TACC2: variants seen among roughly 807,000 people sequenced by gnomAD.
The protein encoded by TACC2 is transforming acidic coiled-coil containing protein 2.
In TACC2, 137 loss-of-function variants were observed where a neutral mutation model predicts 227.3. The ratio of observed to expected loss-of-function variants is 0.60; its 90% confidence interval spans 0.52 to 0.69. The LOEUF (loss-of-function observed/expected upper bound fraction) is 0.69. TACC2 is among the 30% of genes least tolerant of loss of function. The probability of loss-of-function intolerance (pLI) is 0.00; values close to 1 mark genes in which losing one functional copy is unlikely to be tolerated. For synonymous variants in TACC2, 1,523 were observed against 1,487.5 expected (o/e 1.02, Z -0.55); for missense variants, 3,470 against 3,694.4 (o/e 0.94, Z 1.57).
intron 1 of TACC2, among the ~76,000 whole-genome samples, 186 bp from the exon 2 acceptor site, chr10:122,021,751 T>C (rs778412746): frequency 6.6e-6 from 1 of 152,030 alleles, no homozygotes; most frequent in Non-Finnish European, 1.5e-5. Context: ...CACCAGCCCG[T>C]ATTGGGAAAG....
chr10:122,130,894 C>T (rs1369996891), intron 5 of TACC2, among the ~76,000 whole-genome samples: 1 of 152,182 alleles, frequency 6.6e-6, no homozygotes, highest in Non-Finnish European at 1.5e-5. Flanking sequence ...AGCATGCTCA[C>T]CACACCACAG....
chr10:122,051,949 A>C (rs1490244314), intron 3 of TACC2: 1 of 152,008 alleles, frequency 6.6e-6, no homozygotes, highest in African/African-American at 2.4e-5. Context: ...CAGATGGGGC[A>C]GAGTGTTTTT....
chr10:122,131,346 G>A (rs1051370739), intron 5 of TACC2, among the ~76,000 whole-genome samples: 7 of 152,088 alleles, frequency 4.6e-5, no homozygotes, highest in African/African-American at 7.2e-5. Context: ...GCTACAGAGC[G>A]GAGTTCATCA....
At chr10:122,101,723 C>CTTTTTTTTTT (rs1179126977) in intron 5 of TACC2, among the ~76,000 whole-genome samples, 1,015 of 55,738 alleles carry the variant, frequency 0.018, 1 homozygote, top group Non-Finnish European at 0.022. Context: ...CCATGCCCAG[C>CTTTTTTTTTT]TTTTTTTTTT....
At chr10:122,045,830 T>C (rs561481688) in intron 2 of TACC2, among the ~76,000 whole-genome samples, 61 of 152,248 alleles carry the variant, frequency 4.0e-4, no homozygotes, top group Non-Finnish European at 7.6e-4. Flanking sequence ...CATCCAGATA[T>C]GTTTGTGTTG....
chr10:122,073,563 C>T (rs888338003), intron 3 of TACC2, among the ~76,000 whole-genome samples: 2 of 152,168 alleles, frequency 1.3e-5, no homozygotes. Context: ...ACAGTGTGTT[C>T]TGTGGCCCAT....
intron 6 of TACC2, among the ~76,000 whole-genome samples, chr10:122,143,287 C>T (rs1468671156): frequency 2.6e-5 from 4 of 152,170 alleles, no homozygotes; most frequent in Non-Finnish European, 5.9e-5. Context: ...ACTCACATAG[C>T]GTGTCCTGGA....
chr10:122,062,363 A>G (rs1461562563), intron 3 of TACC2, among the ~76,000 whole-genome samples: 1 of 150,410 alleles, frequency 6.6e-6, no homozygotes, highest in African/African-American at 2.5e-5. Flanking sequence ...CTGGAGTACA[A>G]TGACGCCATC....
chr10:122,210,464 C>A lies in TACC2; in HGVS notation c.6039C>A (p.Phe2013Leu). Reference protein sequence around the residue: ...PRSDSVEGSPFRPPSHSFSAV... With the variant: ...PRSDSVEGSPLRPPSHSFSAV... ...GCGACTCGGTGGAAGGAAGTCCCTTCCGTCCCCCGTCACACTCCTTCTCTG... is the reference window on the plus strand; with the variant it reads ...GCGACTCGGTGGAAGGAAGTCCCTTACGTCCCCCGTCACACTCCTTCTCTG... The change falls in exon 9 of 23, where the codon TTC (phenylalanine) becomes TTA (leucine). Residue 2013 changes from phenylalanine to leucine, a missense_variant. By Grantham distance (22) the Phe-to-Leu change is conservative. Coordinates refer to ENST00000369005, the MANE Select transcript of TACC2 (RefSeq NM_206862.4). The surrounding 1 kb of genome is among the most constrained non-coding windows in gnomAD (Gnocchi z 4.6). The A allele has an allele frequency of 6.2e-7, 1 of 1,614,116 alleles. No homozygotes were observed. Among genetic ancestry groups the A allele is most frequent in the Non-Finnish European group, 8.5e-7 (1 of 1,180,002 alleles).
At chr10:122,156,028 G>A (rs1444961153) in intron 7 of TACC2, among the ~76,000 whole-genome samples, 5 of 150,998 alleles carry the variant, frequency 3.3e-5, no homozygotes, top group Non-Finnish European at 7.4e-5. Flanking sequence ...TAGTAGAGAC[G>A]AGGTTTCACC....
chr10:122,113,657 T>C (rs998934932), intron 5 of TACC2, among the ~76,000 whole-genome samples: 3 of 152,176 alleles, frequency 2.0e-5, no homozygotes, highest in African/African-American at 7.2e-5. Context: ...GCTCGTGTGG[T>C]CCTACTGGGT....
intron 1 of TACC2, among the ~76,000 whole-genome samples, chr10:122,005,147 T>A (rs1309785451): frequency 6.7e-6 from 1 of 150,012 alleles, no homozygotes; most frequent in East Asian, 2.0e-4. Flanking sequence ...AATGGTGCAA[T>A]CCGGGCTCAC....
intron 5 of TACC2, among the ~76,000 whole-genome samples, chr10:122,106,412 T>C (rs1262406501): frequency 6.6e-6 from 1 of 152,238 alleles, no homozygotes; most frequent in Non-Finnish European, 1.5e-5. Context: ...GAACCATTAA[T>C]GGTTATTTCT....
intron 11 of TACC2, among the ~76,000 whole-genome samples, 163 bp from the exon 12 acceptor site, chr10:122,224,563 T>C (rs945819950): frequency 6.6e-6 from 1 of 152,190 alleles, no homozygotes; most frequent in African/African-American, 2.4e-5. Flanking sequence ...CTGAGCCTTT[T>C]CTTCAGGCTA....
intron 3 of TACC2, among the ~76,000 whole-genome samples, chr10:122,061,080 C>T (rs911653789): frequency 2.7e-5 from 4 of 149,386 alleles, no homozygotes; most frequent in Non-Finnish European, 4.4e-5. Context: ...GAGGCCGAGG[C>T]GGGCAGATCA....
intron 7 of TACC2, chr10:122,192,671 C>T (rs1209853844): frequency 2.2e-6 from 1 of 456,542 alleles, no homozygotes; most frequent in South Asian, 1.5e-5. Context: ...GGCTGTTCTT[C>T]AGCGGAAATG....
intron 7 of TACC2, among the ~76,000 whole-genome samples, chr10:122,176,289 T>C (rs2093715371): frequency 1.3e-5 from 2 of 151,684 alleles, no homozygotes; most frequent in African/African-American, 4.9e-5. Context: ...GCTCTTTTAA[T>C]ATATGGGTCC....
intron 3 of TACC2, among the ~76,000 whole-genome samples, chr10:122,065,567 T>TG (rs1224719427): frequency 1.3e-5 from 2 of 152,204 alleles, no homozygotes; most frequent in African/African-American, 4.8e-5. Flanking sequence ...CATCTGTACT[T>TG]GAAAAAAATG....
At chr10:122,204,050 C>A (rs921830461) in intron 8 of TACC2, among the ~76,000 whole-genome samples, 1 of 151,198 alleles carries the variant, frequency 6.6e-6, no homozygotes, top group South Asian at 2.1e-4. Flanking sequence ...CCCAGGCACT[C>A]GGCAGGCTGA....
Sources: allele counts gnomAD v4.1 joint callset (sites outside exome capture counted in the v4.1 genomes callset), GRCh38; gene constraint gnomAD v4.1.1; non-coding constraint Gnocchi (gnomAD v3.1); transcripts MANE v1.5; gene names NCBI Gene and HGNC (gene_info 2026-07-23, HGNC 2026-07-21).